Variants in DIXDC1 observed in about 807,000 individuals in gnomAD.
DIXDC1 encodes DIX domain containing 1.
A neutral mutation model predicts 103.1 loss-of-function variants in DIXDC1; 64 were observed. The observed-to-expected ratio is 0.62, with a 90% CI of 0.51 to 0.76. The LOEUF (loss-of-function observed/expected upper bound fraction) is 0.76, where lower values mean the gene tolerates loss of function less well. Among genes scored for constraint, DIXDC1 ranks in the 30% least tolerant of loss-of-function variants. The pLI, the probability that DIXDC1 is intolerant of heterozygous loss-of-function variation, is 0.00. For synonymous variants in DIXDC1, 266 were observed against 298.5 expected, an observed-to-expected ratio of 0.89 and a Z score of 1.12; for missense variants, 759 against 834.2, an observed-to-expected ratio of 0.91 and a Z score of 1.11.
rs954157624 is a variant in DIXDC1, at chr11:111,993,556, C to T, written c.1333C>T (p.Leu445Phe). 6.2e-7 allele frequency: 1 copy of T among 1,614,016 alleles called. No individual in the cohort carries two copies. The change falls in exon 13 of 20, where the codon CTC (leucine) becomes TTC (phenylalanine). Residue 445 changes from leucine to phenylalanine, a missense_variant. Leu to Phe is a conservative substitution (Grantham distance 22, BLOSUM62 0). Around this residue, in one of 3 missense-constraint regions of DIXDC1, gnomAD observed 657 missense variants for 727.5 expected, o/e 0.90. Transcript: ENST00000440460. Reference protein sequence around the residue: ...QQHQAKLEEALRKLSDVSYHQ... With the variant: ...QQHQAKLEEAFRKLSDVSYHQ... Reference sequence around the variant, plus strand: ...GCACCAGGCCAAGTTAGAAGAAGCACTCCGGAAACTCTCTGATGTCAGTTA... The same window carrying T: ...GCACCAGGCCAAGTTAGAAGAAGCATTCCGGAAACTCTCTGATGTCAGTTA...
At chr11:111,966,326 A>G (rs1199142408) in intron 2 of DIXDC1, among the ~76,000 whole-genome samples, 3 of 142,526 alleles carry the variant, frequency 2.1e-5, no homozygotes, top group Non-Finnish European at 4.5e-5. Flanking sequence ...GGGTTCAAGC[A>G]ATTCTCCTGC....
intron 1 of DIXDC1, among the ~76,000 whole-genome samples, chr11:111,954,144 A>T (rs1269195679): frequency 1.3e-5 from 2 of 152,148 alleles, no homozygotes; most frequent in African/African-American, 2.4e-5. Flanking sequence ...AAATAATTAT[A>T]CAACTTACCA....
intron 1 of DIXDC1, among the ~76,000 whole-genome samples, chr11:111,946,378 G>A (rs1966598083): frequency 6.6e-6 from 1 of 152,158 alleles, no homozygotes; most frequent in Non-Finnish European, 1.5e-5. Context: ...AAAGTGCTGG[G>A]ATTACAGGCT....
Position 111,977,495 on chromosome 11 carries a change from T to C in DIXDC1, c.656+2512T>C. ...CGGCAGCCTGCGAGGGGAGGCAGCTTCCGCCGGGGCCGGGCTGCTGCACAG... is the reference window on the plus strand; with the variant it reads ...CGGCAGCCTGCGAGGGGAGGCAGCTCCCGCCGGGGCCGGGCTGCTGCACAG... On this transcript the variant is annotated intron_variant, in intron 5 of 19. Coordinates refer to ENST00000440460, the MANE Select transcript of DIXDC1 (RefSeq NM_001037954.4). This position sits in a 1 kb window ranked among gnomAD's most constrained non-coding sequence, Gnocchi z 6.1. The C allele has an allele frequency of 1.5e-6, 2 of 1,333,270 alleles. No individual in the cohort carries two copies. Among genetic ancestry groups the C allele is most frequent in the South Asian group, 3.4e-5 (2 of 58,752 alleles). 82.6% of individuals were successfully genotyped at this position (1,333,270 alleles called of 1,614,324 possible).
At chr11:111,939,747 T>C (rs1186249739) in intron 1 of DIXDC1, among the ~76,000 whole-genome samples, 2 of 152,230 alleles carry the variant, frequency 1.3e-5, no homozygotes, top group Non-Finnish European at 2.9e-5. Context: ...AATAGTGTAA[T>C]TGGTTATTTT....
chr11:111,968,513 C>A lies in DIXDC1; in HGVS notation c.191C>A (p.Ala64Glu). 1.2e-6 allele frequency: 2 copies of A among 1,612,536 alleles called. No individual in the cohort carries two copies. The highest frequency in any genetic ancestry group is 1.7e-5 in the Admixed American group (1 of 59,822). ...TCCTATATTTTCTCTCTCCTAACAGCAGGAGAAAAGCTGAGTGGGGTACAG... is the reference window on the plus strand; with the variant it reads ...TCCTATATTTTCTCTCTCCTAACAGAAGGAGAAAAGCTGAGTGGGGTACAG... The part of the protein sequence containing the change: ...VILAYLIEIV[A>E]GEKLSGVQLS... Residue 64 changes from alanine (A) to glutamate (E), a missense_variant and splice_region_variant, in exon 3 of 20, where the codon GCA becomes GAA. Physicochemically the swap from Ala to Glu is moderately radical, Grantham distance 107. This residue lies in a region of DIXDC1 where 97 missense variants were observed against 85.4 expected (regional missense o/e 1.14). Transcript: ENST00000440460.
intron 3 of DIXDC1, 95 bp downstream of exon 3, chr11:111,968,733 G>C (rs1013839961): frequency 7.9e-7 from 1 of 1,269,298 alleles, no homozygotes. Flanking sequence ...GGGGAAGATA[G>C]AAAGTCTCCA....
At chr11:111,941,195 C>T (rs1392772075) in intron 1 of DIXDC1, among the ~76,000 whole-genome samples, 2 of 151,994 alleles carry the variant, frequency 1.3e-5, no homozygotes, top group East Asian at 3.9e-4. Context: ...GCAGGAGAAT[C>T]GCTTGAACCT....
intron 3 of DIXDC1, among the ~76,000 whole-genome samples, chr11:111,969,911 AAG>A: frequency 6.6e-6 from 1 of 152,166 alleles, no homozygotes; most frequent in East Asian, 1.9e-4. Flanking sequence ...CAAATAGGAG[AAG>A]AAAAAGTTAA....
intron 2 of DIXDC1, among the ~76,000 whole-genome samples, 184 bp downstream of exon 2, chr11:111,964,862 C>T (rs587704717): frequency 2.6e-5 from 4 of 152,248 alleles, no homozygotes; most frequent in African/African-American, 4.8e-5. Context: ...CATTGTGTCC[C>T]GGGCACTGTA....
At chr11:111,993,641 A>C (rs782692732) in intron 13 of DIXDC1, 28 bp from the exon 14 acceptor site, 1 of 1,613,956 alleles carries the variant, frequency 6.2e-7, no homozygotes, top group South Asian at 1.1e-5. Context: ...CAAAGAAATC[A>C]TTTTCTGATT....
At chr11:111,933,591 G>A (rs1435162057), upstream of DIXDC1, among the ~76,000 whole-genome samples, 2 of 150,740 alleles carry the variant, frequency 1.3e-5, no homozygotes, top group African/African-American at 4.9e-5. Context: ...CACCATGAGT[G>A]GCTAATTTTT....
intron 1 of DIXDC1, among the ~76,000 whole-genome samples, chr11:111,940,912 T>C (rs587775735): frequency 6.6e-6 from 1 of 152,148 alleles, no homozygotes; most frequent in South Asian, 2.1e-4. Flanking sequence ...TACATAGAAG[T>C]CCAATAACAT....
intron 6 of DIXDC1, 118 bp downstream of exon 6, chr11:111,980,967 G>C (rs1555173197): frequency 1.3e-6 from 1 of 743,188 alleles, no homozygotes; most frequent in Non-Finnish European, 2.2e-6. Context: ...GTGCGTGCAG[G>C]GTCAGCACTA....
intron 1 of DIXDC1, among the ~76,000 whole-genome samples, chr11:111,961,137 G>A (rs1425761400): frequency 6.6e-6 from 1 of 152,208 alleles, no homozygotes; most frequent in African/African-American, 2.4e-5. Flanking sequence ...TTTGCAGGAG[G>A]CTCCCAGGTG....
rs782238376 is a variant in DIXDC1, at chr11:112,021,854, A to G, written c.*2818A>G. On this transcript the variant is annotated 3_prime_UTR_variant, in exon 20 of 20. Coordinates refer to ENST00000440460, the MANE Select transcript of DIXDC1 (RefSeq NM_001037954.4). ...AAAGTAGCTGGGGATGGTGGCACAC[A>G]CCTGTAGTCCCAGCTACTCAGGAGG... 5.9e-5 allele frequency: 9 copies of G among 151,468 alleles called. No individual in the cohort carries two copies. The highest frequency in any genetic ancestry group is 1.3e-4 in the Non-Finnish European group (9 of 67,894). 9.4% of individuals were successfully genotyped at this position (151,468 alleles called of 1,614,324 possible).
rs1860127022 is a variant in DIXDC1, at chr11:111,977,156, C to G, written c.656+2173C>G. ...CAACCCCTCGTCGACGTCCCCACCC[C>G]CACCTCCACCCCGCCCAGCCCCGCC... is the stretch of plus-strand genomic sequence containing the variant. On this transcript the variant is annotated intron_variant, in intron 5 of 19. Transcript: ENST00000440460. The surrounding 1 kb of genome is among the most constrained non-coding windows in gnomAD (Gnocchi z 6.1). The G allele has an allele frequency of 3.1e-6, 2 of 649,910 alleles. No individual in the cohort carries two copies. The highest frequency in any genetic ancestry group is 3.8e-6 in the Non-Finnish European group (2 of 522,938). 40.3% of individuals were successfully genotyped at this position (649,910 alleles called of 1,614,324 possible).
chr11:111,964,425 T>G, intron 1 of DIXDC1, 124 bp from the exon 2 acceptor site: 1 of 1,087,598 alleles, frequency 9.2e-7, no homozygotes. Flanking sequence ...CCTCAAAAAT[T>G]TCTCCTGCTT....
At chr11:111,968,688 G>A in intron 3 of DIXDC1, 50 bp downstream of exon 3, 2 of 1,519,326 alleles carry the variant, frequency 1.3e-6, no homozygotes, top group Non-Finnish European at 1.8e-6. Flanking sequence ...TAACCAGTGA[G>A]TGCTAGCCTC....
Sources: allele counts gnomAD v4.1 joint callset (sites outside exome capture counted in the v4.1 genomes callset), GRCh38; gene constraint gnomAD v4.1.1; regional missense constraint gnomAD v4.1.1; non-coding constraint Gnocchi (gnomAD v3.1); transcripts MANE v1.5; gene names NCBI Gene and HGNC (gene_info 2026-07-23, HGNC 2026-07-21).